Variants in GRXCR1 observed in about 807,000 individuals in gnomAD.
The protein encoded by GRXCR1 is glutaredoxin domain-containing cysteine-rich protein 1.
A neutral mutation model predicts 27.3 loss-of-function variants in GRXCR1; 27 were observed. That is an observed-to-expected ratio of 0.99 (90% CI 0.73 to 1.37). The LOEUF (loss-of-function observed/expected upper bound fraction) is 1.37. Among genes scored for constraint, GRXCR1 ranks in the 40% most tolerant of loss-of-function variants. The probability of loss-of-function intolerance (pLI) is 0.00; values close to 1 mark genes in which losing one functional copy is unlikely to be tolerated. For synonymous variants in GRXCR1, 122 were observed against 131.1 expected (o/e 0.93, Z 0.47); for missense variants, 379 against 354.4 (o/e 1.07, Z -0.56).
chr4:43,023,234 C>T (rs954327831), intron 3 of GRXCR1, among the ~76,000 whole-genome samples: 1 of 152,064 alleles, frequency 6.6e-6, no homozygotes, highest in African/African-American at 2.4e-5. Context: ...TAGACATATC[C>T]TGGCAAGTTC....
At chr4:43,021,167 T>C (rs189090272) in intron 3 of GRXCR1, among the ~76,000 whole-genome samples, 124 of 152,274 alleles carry the variant, frequency 8.1e-4, no homozygotes, top group African/African-American at 2.7e-3. Context: ...TTTCTGATTC[T>C]CTACCATTCC....
chr4:43,006,866 C>T (rs1440589564), intron 2 of GRXCR1, among the ~76,000 whole-genome samples: 2 of 152,148 alleles, frequency 1.3e-5, no homozygotes, highest in Non-Finnish European at 2.9e-5. Context: ...CATGTGATGT[C>T]TCCCCCGGAC....
At chr4:42,896,807 T>C (rs1056045256) in intron 1 of GRXCR1, among the ~76,000 whole-genome samples, 4 of 152,128 alleles carry the variant, frequency 2.6e-5, no homozygotes, top group South Asian at 2.1e-4. Flanking sequence ...GAATGAGATA[T>C]GCAATGACTT....
At position 42,963,065 on chromosome 4, in the gene GRXCR1, C is replaced by T. The variant is rs367885687; in HGVS notation, c.558C>T (p.Asp186=). 1.6e-5 allele frequency: 25 copies of T among 1,612,504 alleles called. No homozygotes were observed. Among genetic ancestry groups the T allele is most frequent in the African/African-American group, 5.3e-5 (4 of 74,818 alleles). Residue 186 remains aspartate, a synonymous_variant, in exon 2 of 4, where the codon GAC becomes GAT. Coordinates refer to ENST00000399770, the MANE Select transcript of GRXCR1 (RefSeq NM_001080476.3). ...ALNGEYGKEL[D]ERCRRVSEAP... The stretch of plus-strand genomic sequence containing the variant: ...ATGGTGAATATGGAAAAGAGTTAGA[C>T]GAACGATGCCGACGAGTTTCTGAAG...
intron 1 of GRXCR1, among the ~76,000 whole-genome samples, chr4:42,903,445 G>A (rs946023375): frequency 6.9e-5 from 10 of 144,914 alleles, no homozygotes; most frequent in Non-Finnish European, 1.3e-4. Context: ...CCAAGTAGCT[G>A]GGACTACAGG....
chr4:42,964,881 A>G (rs909929458), intron 2 of GRXCR1, among the ~76,000 whole-genome samples: 1 of 152,032 alleles, frequency 6.6e-6, no homozygotes, highest in African/African-American at 2.4e-5. Context: ...ACTCAACCAC[A>G]CTAGGGAGAA....
In GRXCR1 at chr4:42,970,719, T is replaced by C. The variant is rs140374771; in HGVS notation, c.627+7585T>C. Among the ~76,000 whole-genome samples the C allele has an allele frequency of 3.8e-3, 585 of 152,288 alleles. 2 individuals carry two copies. The highest frequency in any genetic ancestry group is 0.013 in the African/African-American group (547 of 41,566). Reference sequence around the variant, plus strand: ...GGGTCTGTGATGGGAGGGACTGCTCTGACGGTCTCTGAAATGCCCTGGAGA... The same window carrying C: ...GGGTCTGTGATGGGAGGGACTGCTCCGACGGTCTCTGAAATGCCCTGGAGA... On this transcript the variant is annotated intron_variant, in intron 2 of 3. Coordinates refer to ENST00000399770, the MANE Select transcript of GRXCR1 (RefSeq NM_001080476.3).
intron 2 of GRXCR1, among the ~76,000 whole-genome samples, chr4:42,965,341 C>T (rs1437050063): frequency 6.6e-6 from 1 of 152,010 alleles, no homozygotes; most frequent in African/African-American, 2.4e-5. Context: ...GATATTCCCC[C>T]TTCTTTTTTG....
At chr4:42,898,910 G>A (rs1273583923) in intron 1 of GRXCR1, among the ~76,000 whole-genome samples, 1 of 152,006 alleles carries the variant, frequency 6.6e-6, no homozygotes. Flanking sequence ...TCCAAATGAT[G>A]CGAGAAACTA....
intron 1 of GRXCR1, among the ~76,000 whole-genome samples, chr4:42,945,658 T>C (rs908504844): frequency 1.3e-5 from 2 of 152,124 alleles, no homozygotes; most frequent in African/African-American, 4.8e-5. Flanking sequence ...TTTAGGTAAC[T>C]TTACAGTGAG....
chr4:43,020,972 A>C (rs1046475290), intron 3 of GRXCR1, among the ~76,000 whole-genome samples: 1 of 152,142 alleles, frequency 6.6e-6, no homozygotes, highest in African/African-American at 2.4e-5. Context: ...GTTTCTCCCT[A>C]TTTGTAAGAA....
At chr4:42,981,922 T>C (rs1748680276) in intron 2 of GRXCR1, among the ~76,000 whole-genome samples, 1 of 152,224 alleles carries the variant, frequency 6.6e-6, no homozygotes, top group Non-Finnish European at 1.5e-5. Context: ...GTTTGGATTA[T>C]ATAATATATG....
At chr4:42,977,671 G>T (rs771462276) in intron 2 of GRXCR1, among the ~76,000 whole-genome samples, 5 of 151,708 alleles carry the variant, frequency 3.3e-5, no homozygotes, top group African/African-American at 4.8e-5. Flanking sequence ...AAAAATTGTT[G>T]AGTTTTTGGG....
chr4:43,018,899 T>A (rs1334567086), intron 2 of GRXCR1, among the ~76,000 whole-genome samples: 1 of 152,202 alleles, frequency 6.6e-6, no homozygotes, highest in African/African-American at 2.4e-5. Context: ...CTGGCCCAAC[T>A]ACCAATAAAT....
chr4:42,947,725 G>C (rs1747781254), intron 1 of GRXCR1, among the ~76,000 whole-genome samples: 1 of 152,054 alleles, frequency 6.6e-6, no homozygotes, highest in Non-Finnish European at 1.5e-5. Flanking sequence ...AATTCCCAAT[G>C]TTTCCAGAAA....
At chr4:42,976,656 G>A (rs1313462983) in intron 2 of GRXCR1, among the ~76,000 whole-genome samples, 1 of 151,822 alleles carries the variant, frequency 6.6e-6, no homozygotes, top group Non-Finnish European at 1.5e-5. Flanking sequence ...TTGCATGTAT[G>A]TAATTTTTTA....
At chr4:42,896,584 C>T (rs989587293) in intron 1 of GRXCR1, among the ~76,000 whole-genome samples, 5 of 151,930 alleles carry the variant, frequency 3.3e-5, no homozygotes, top group Non-Finnish European at 7.4e-5. Flanking sequence ...ATACAGAGCT[C>T]GAGAGAGGCC....
intron 1 of GRXCR1, among the ~76,000 whole-genome samples, chr4:42,922,052 A>G (rs1337436216): frequency 6.6e-6 from 1 of 152,162 alleles, no homozygotes; most frequent in Non-Finnish European, 1.5e-5. Context: ...ATGAGTACAA[A>G]TGGAGGTCTA....
chr4:42,903,500 A>G lies in GRXCR1; in HGVS notation c.384+9850A>G, dbSNP rs866383060. On this transcript the variant is annotated intron_variant, in intron 1 of 3. Transcript: ENST00000399770. ...CTAATTTTTTGTATTTTTTAGTAGA[A>G]ATGGGGTTTAACCATGTTAGCCAGG... Among the ~76,000 whole-genome samples, 19 of 146,052 alleles carry G rather than the reference A, an allele frequency of 1.3e-4. 1 individual carries two copies. The highest frequency in any genetic ancestry group is 2.2e-4 in the Admixed American group (3 of 13,858).
Sources: allele counts gnomAD v4.1 joint callset (sites outside exome capture counted in the v4.1 genomes callset), GRCh38; gene constraint gnomAD v4.1.1; transcripts MANE v1.5; gene names NCBI Gene and HGNC (gene_info 2026-07-23, HGNC 2026-07-21).